The following ALK variants were observed in gnomAD, a reference collection of about 807,000 sequenced individuals.
ALK encodes ALK receptor tyrosine kinase.
ALK carries 74 observed loss-of-function variants against 163.1 expected under a neutral mutation model. The observed-to-expected ratio is 0.45, with a 90% confidence interval of 0.38 to 0.55. ALK has a LOEUF of 0.55. Among genes scored for constraint, ALK ranks in the 20% least tolerant of loss-of-function variants. The probability of loss-of-function intolerance (pLI) is 0.00; values close to 1 mark genes in which losing one functional copy is unlikely to be tolerated. For synonymous variants in ALK, 960 were observed against 843.2 expected (o/e 1.14, Z -2.40); for missense variants, 2,063 against 2,105.3 (o/e 0.98, Z 0.39).
intron 5 of ALK, among the ~76,000 whole-genome samples, chr2:29,375,144 AG>A (rs1352121286): frequency 2.0e-5 from 3 of 152,178 alleles, no homozygotes; most frequent in Non-Finnish European, 4.4e-5. Context: ...AGCAGCAGCA[AG>A]GAAGCAGGTT....
intron 1 of ALK, among the ~76,000 whole-genome samples, chr2:29,740,164 G>A (rs1430056985): frequency 6.6e-6 from 1 of 152,064 alleles, no homozygotes; most frequent in Non-Finnish European, 1.5e-5. Flanking sequence ...ACATTGAGAA[G>A]TTTTCAGTCC....
intron 1 of ALK, among the ~76,000 whole-genome samples, chr2:29,902,362 T>A (rs1404143085): frequency 6.6e-6 from 1 of 152,202 alleles, no homozygotes; most frequent in Non-Finnish European, 1.5e-5. Context: ...TCTGAAGCCA[T>A]CCTCTTCTCC....
chr2:29,797,778 T>G (rs1664357802), intron 1 of ALK, among the ~76,000 whole-genome samples: 1 of 152,192 alleles, frequency 6.6e-6, no homozygotes, highest in South Asian at 2.1e-4. Flanking sequence ...AACAAATATT[T>G]GTTGATTTTT....
At chr2:29,256,249 TG>T (rs1382371453) in intron 11 of ALK, among the ~76,000 whole-genome samples, 2 of 152,146 alleles carry the variant, frequency 1.3e-5, no homozygotes, top group Non-Finnish European at 2.9e-5. Context: ...TCCTTCTTCC[TG>T]GGTAAGGAGT....
intron 1 of ALK, among the ~76,000 whole-genome samples, chr2:29,784,118 A>G (rs998715206): frequency 1.3e-5 from 2 of 152,200 alleles, no homozygotes; most frequent in East Asian, 3.8e-4. Context: ...GGGAGACAGA[A>G]GAAGAAAGAA....
intron 3 of ALK, among the ~76,000 whole-genome samples, chr2:29,575,380 A>AGTTTTATTC (rs1674495542): frequency 6.6e-6 from 1 of 152,140 alleles, no homozygotes; most frequent in Non-Finnish European, 1.5e-5. Context: ...CTCTTTAGTT[A>AGTTTTATTC]TCTAAGTTGC....
chr2:29,864,599 C>T (rs12613938), intron 1 of ALK, among the ~76,000 whole-genome samples: 38,571 of 152,202 alleles, frequency 0.25, 5,771 homozygotes, highest in East Asian at 0.47. Flanking sequence ...AGTCAACAAA[C>T]ATTTGTCAAA....
intron 1 of ALK, among the ~76,000 whole-genome samples, chr2:29,888,014 C>G (rs767066590): frequency 3.9e-5 from 6 of 152,188 alleles, no homozygotes; most frequent in Non-Finnish European, 8.8e-5. Context: ...CTTTTCTCTA[C>G]CATCCACTTT....
chr2:29,269,808 C>T (rs930998394), intron 11 of ALK, among the ~76,000 whole-genome samples: 2 of 152,196 alleles, frequency 1.3e-5, no homozygotes, highest in Admixed American at 6.5e-5. Context: ...CAGTCCCCCC[C>T]CAGCTGAATG....
In ALK at chr2:29,246,894, G is replaced by C. The variant is rs891196324; in HGVS notation, c.2204+4211C>G. On this transcript the variant is annotated intron_variant, in intron 12 of 28. Coordinates refer to ENST00000389048, the MANE Select transcript of ALK (RefSeq NM_004304.5). This position sits in a 1 kb window ranked among gnomAD's most constrained non-coding sequence, Gnocchi z 4.3. ...ACCAGGGGGAGCGAGAGGCCTTTTG[G>C]GGGGTAACACTGCAGCCCCAGGACC... Among the ~76,000 whole-genome samples, 3 of 152,136 alleles carry C rather than the reference G, an allele frequency of 2.0e-5. No homozygotes were observed. The highest frequency in any genetic ancestry group is 7.2e-5 in the African/African-American group (3 of 41,422).
intron 18 of ALK, among the ~76,000 whole-genome samples, chr2:29,225,831 T>G (rs1373324032): frequency 6.6e-6 from 1 of 152,106 alleles, no homozygotes; most frequent in Non-Finnish European, 1.5e-5. Flanking sequence ...AAACATGAGC[T>G]GCACAACTAT....
rs754067286 is a variant in ALK at position 29,433,796 on chromosome 2, T to C, written c.1155-49937A>G. 7.9e-4 allele frequency among the ~76,000 whole-genome samples: 120 copies of C among 152,166 alleles called. 1 individual carries two copies. The highest frequency in any genetic ancestry group is 1.9e-4 in the Non-Finnish European group (13 of 68,032). ...AAAATGGAATCTATGGGTATGGGTA[T>C]ACCCAGACTATAATAGGAACTTATT... On this transcript the variant is annotated intron_variant, in intron 4 of 28. Transcript: ENST00000389048.
At chr2:29,511,616 T>C (rs1672519095) in intron 4 of ALK, among the ~76,000 whole-genome samples, 1 of 152,202 alleles carries the variant, frequency 6.6e-6, no homozygotes, top group South Asian at 2.1e-4. Flanking sequence ...TAAAGTTTTG[T>C]GGGGACATAC....
At chr2:29,889,695 C>CAGAGAGAGAGAGAGAG (rs869083201) in intron 1 of ALK, among the ~76,000 whole-genome samples, 3 of 101,944 alleles carry the variant, frequency 2.9e-5, no homozygotes, top group Non-Finnish European at 5.8e-5. Context: ...GATAGATAGA[C>CAGAGAGAGAGAGAGAG]AGAGAGAGAG....
chr2:29,286,392 T>A (rs957422682), intron 9 of ALK: 1 of 152,188 alleles, frequency 6.6e-6, no homozygotes, highest in African/African-American at 2.4e-5. Context: ...GATCTGCCAT[T>A]ATATACCAGT....
intron 3 of ALK, among the ~76,000 whole-genome samples, chr2:29,694,298 C>T (rs773921727): frequency 4.6e-5 from 7 of 152,312 alleles, no homozygotes; most frequent in African/African-American, 9.6e-5. Flanking sequence ...GCAAATGTGT[C>T]GCCTGAGTAT....
intron 3 of ALK, among the ~76,000 whole-genome samples, chr2:29,685,783 T>C (rs1678219696): frequency 6.6e-6 from 1 of 152,204 alleles, no homozygotes; most frequent in African/African-American, 2.4e-5. Flanking sequence ...GTTCTGCAGG[T>C]AAGAAGTCTA....
intron 18 of ALK, 43 bp downstream of exon 18, chr2:29,226,879 C>T (rs2148178157): frequency 6.2e-7 from 1 of 1,612,598 alleles, no homozygotes; most frequent in East Asian, 2.2e-5. Flanking sequence ...GGCCAAATCT[C>T]AGGCTATGGG....
intron 5 of ALK, among the ~76,000 whole-genome samples, chr2:29,365,081 G>A (rs1668470124): frequency 6.6e-6 from 1 of 152,120 alleles, no homozygotes; most frequent in Non-Finnish European, 1.5e-5. Flanking sequence ...TGCTGTTTGT[G>A]GCTCCAAAAT....
Sources: gnomAD v4.1 joint callset for allele counts (sites outside exome capture counted in the v4.1 genomes callset) on GRCh38, gnomAD v4.1.1 for gene constraint, Gnocchi (gnomAD v3.1) non-coding constraint, MANE v1.5 for transcripts, NCBI Gene and HGNC (gene_info 2026-07-23, HGNC 2026-07-21) for gene names.